The following DGKE variants were observed in gnomAD, a reference collection of about 807,000 sequenced individuals.
DGKE encodes diacylglycerol kinase epsilon, also known as DAG kinase epsilon.
A neutral mutation model predicts 70.0 loss-of-function variants in DGKE; 53 were observed. The ratio of observed to expected loss-of-function variants is 0.76; its 90% CI spans 0.61 to 0.95. The LOEUF (loss-of-function observed/expected upper bound fraction) is 0.95, where lower values mean the gene tolerates loss of function less well. Ranked by LOEUF, DGKE falls within the 40% of genes least tolerant of loss-of-function variation. The probability of loss-of-function intolerance (pLI) is 0.00; values close to 1 mark genes in which losing one functional copy is unlikely to be tolerated. For missense variants in DGKE, 655 were observed against 706.9 expected (o/e 0.93, Z 0.83); for synonymous variants, 291 against 257.0 (o/e 1.13, Z -1.27).
chr17:56,842,259 T>G (rs532790373), intron 2 of DGKE, among the ~76,000 whole-genome samples: 1 of 152,208 alleles, frequency 6.6e-6, no homozygotes. Flanking sequence ...AGCTAGTATT[T>G]AAAATAATTT....
intron 4 of DGKE, chr17:56,846,276 A>G (rs1276760430): frequency 6.6e-6 from 1 of 152,326 alleles, no homozygotes; most frequent in Non-Finnish European, 1.5e-5. Flanking sequence ...ATTACAATAA[A>G]TGAACCTCAA....
chr17:56,847,702 C>A (rs2144237380), intron 4 of DGKE: 1 of 241,808 alleles, frequency 4.1e-6, no homozygotes, highest in East Asian at 8.0e-5. Flanking sequence ...ACCTCAGTTT[C>A]CAGCCCAATA....
Position 56,835,014 on chromosome 17 carries a change from C to A in DGKE, c.219C>A (p.Tyr73Ter). ...RDTDLFSQPTYCCVCAQHILQ... is the reference protein window; with the variant it reads ...RDTDLFSQPT ...CGGACCTGTTCAGCCAGCCCACCTACTGCTGCGTGTGCGCGCAGCACATTC... is the reference window on the plus strand; with the variant it reads ...CGGACCTGTTCAGCCAGCCCACCTAATGCTGCGTGTGCGCGCAGCACATTC... Residue 73 changes from tyrosine to a stop codon, truncating the protein, a stop_gained, in exon 2 of 12, where the codon TAC becomes TAA. Transcript: ENST00000284061. LOFTEE classifies it high-confidence loss of function. 6.2e-7 allele frequency: 1 copy of A among 1,612,760 alleles called. No individual in the cohort carries two copies.
intron 7 of DGKE, among the ~76,000 whole-genome samples, chr17:56,855,102 C>T (rs539761719): frequency 5.7e-4 from 86 of 150,700 alleles, no homozygotes; most frequent in African/African-American, 1.8e-3. Context: ...ATAAAGGACA[C>T]CTAGGAAACT....
In DGKE at chr17:56,865,402, C is replaced by T. The variant is rs897789325; in HGVS notation, c.*2611C>T. ...CCAATACATTCCTAATTCCTATAAA[C>T]GTAGTGGCTTAAATACTGAATACCT... On this transcript the variant is annotated 3_prime_UTR_variant, in exon 12 of 12. Transcript: ENST00000284061. 3.9e-5 allele frequency: 6 copies of T among 152,128 alleles called. No individual in the cohort carries two copies. The highest frequency in any genetic ancestry group is 2.1e-4 in the South Asian group (1 of 4,826). 9.4% of individuals were successfully genotyped at this position (152,128 alleles called of 1,614,324 possible). A position where few individuals can be genotyped will look rare whatever the true frequency, so the allele number is the denominator to read the frequency against.
Position 56,863,130 on chromosome 17 carries a change from TGATGGACACACAATG to T in DGKE, c.*350_*364del. On this transcript the variant is annotated 3_prime_UTR_variant, in exon 12 of 12. Coordinates refer to ENST00000284061, the MANE Select transcript of DGKE (RefSeq NM_003647.3). ...ATGTCTTATTTTTGAACCATGCATA[TGATGGACACACAATG>T]GATGGACACATTATATCTCCAACAA... 1 of 175,400 alleles carries T rather than the reference TGATGGACACACAATG, an allele frequency of 5.7e-6. No individual in the cohort carries two copies. Among genetic ancestry groups the T allele is most frequent in the South Asian group, 1.8e-4 (1 of 5,492 alleles). 10.9% of individuals were successfully genotyped at this position (175,400 alleles called of 1,614,324 possible).
chr17:56,860,949 T>G (rs1162494449), intron 9 of DGKE, among the ~76,000 whole-genome samples: 2 of 152,182 alleles, frequency 1.3e-5, no homozygotes, highest in Non-Finnish European at 1.5e-5. Context: ...AGGGTTAAAG[T>G]GAAGCCACTG....
chr17:56,856,773 G>C, intron 8 of DGKE, 148 bp downstream of exon 8: 3 of 1,025,208 alleles, frequency 2.9e-6, no homozygotes, highest in Non-Finnish European at 4.0e-6. Flanking sequence ...TGTCAAATTA[G>C]ATCTTTTTTT....
chr17:56,835,045 GGCGCCTTCT>G lies in DGKE; in HGVS notation c.254_262del (p.Ala85_Cys87del). On this transcript the variant is annotated inframe_deletion, in exon 2 of 12. Coordinates refer to ENST00000284061, the MANE Select transcript of DGKE (RefSeq NM_003647.3). Reference sequence around the variant, plus strand: ...CGTGTGCGCGCAGCACATTCTGCAGGGCGCCTTCTGCGACTGCTGCGGGCTCCGCGTGGA... The same window carrying G: ...CGTGTGCGCGCAGCACATTCTGCAGGGCGACTGCTGCGGGCTCCGCGTGGA... The G allele has an allele frequency of 1.9e-6, 3 of 1,613,010 alleles. No individual in the cohort carries two copies. Among genetic ancestry groups the G allele is most frequent in the Non-Finnish European group, 2.5e-6 (3 of 1,180,026 alleles).
chr17:56,834,658 G>C, intron 1 of DGKE, 120 bp from the exon 2 acceptor site: 4 of 937,928 alleles, frequency 4.3e-6, no homozygotes, highest in Non-Finnish European at 6.4e-6. Context: ...GCGCAGTCCC[G>C]CCCTCGGGAG....
intron 8 of DGKE, 162 bp downstream of exon 8, chr17:56,856,787 T>A: frequency 1.9e-6 from 1 of 531,232 alleles, no homozygotes; most frequent in Non-Finnish European, 2.4e-6. Context: ...TTTTTTTTTT[T>A]TAATTAGATC....
intron 4 of DGKE, among the ~76,000 whole-genome samples, chr17:56,847,193 G>A (rs1389094113): frequency 1.3e-5 from 2 of 150,350 alleles, no homozygotes; most frequent in East Asian, 3.9e-4. Flanking sequence ...TTGCAAAATT[G>A]CTTTCCAGAA....
chr17:56,849,078 CT>C (rs1391161956), intron 6 of DGKE, 102 bp from the exon 7 acceptor site: 7 of 1,289,108 alleles, frequency 5.4e-6, no homozygotes, highest in Non-Finnish European at 7.5e-6. Flanking sequence ...CGTGTGGTTA[CT>C]TTTGTAGATG....
chr17:56,863,053 TTTG>T lies in DGKE; in HGVS notation c.*265_*267del. 1 of 297,262 alleles carries T rather than the reference TTTG, an allele frequency of 3.4e-6. No individual in the cohort carries two copies. Among genetic ancestry groups the T allele is most frequent in the Middle Eastern group, 9.3e-4 (1 of 1,072 alleles). 18.4% of individuals were successfully genotyped at this position (297,262 alleles called of 1,614,324 possible). On this transcript the variant is annotated 3_prime_UTR_variant, in exon 12 of 12. Transcript: ENST00000284061. ...ACAAAAACTTACATGAGAGTGAAAA[TTTG>T]TTATGACTGTTTTGAGAGTGGGACT... is the stretch of plus-strand genomic sequence containing the variant.
rs7225724 is a variant in DGKE at position 56,835,376 on chromosome 17, A to G, written c.464+117A>G. On this transcript the variant is annotated intron_variant, in intron 2 of 11. Transcript: ENST00000284061. ...GATGACCTAAACTCATTTTGAGGAA[A>G]CAAGCTAATAAATAAACATCCCTGA... The G allele has an allele frequency of 0.88, 951,957 of 1,085,242 alleles. 418,599 individuals carry two copies. The highest frequency in any genetic ancestry group is 0.92 in the East Asian group (35,588 of 38,882). The allele number at this position is 1,085,242 out of a possible 1,614,324, so 67.2% of individuals were successfully genotyped here. A position where few individuals can be genotyped will look rare whatever the true frequency, so the allele number is the denominator to read the frequency against.
rs1409732128 is a variant in DGKE, at chr17:56,834,866, T to C, written c.71T>C (p.Leu24Ser). ...EGLFADGHLILWTLCSVLLPV... is the reference protein window; with the variant it reads ...EGLFADGHLISWTLCSVLLPV... Reference sequence around the variant, plus strand: ...CTGTTTGCGGACGGGCACCTGATCTTGTGGACGCTGTGCTCGGTCCTGCTG... The same window carrying C: ...CTGTTTGCGGACGGGCACCTGATCTCGTGGACGCTGTGCTCGGTCCTGCTG... The change falls in exon 2 of 12, where the codon TTG (leucine) becomes TCG (serine). Residue 24 changes from leucine (L) to serine (S), a missense_variant. Physicochemically the swap from Leu to Ser is moderately radical, Grantham distance 145. Coordinates refer to ENST00000284061, the MANE Select transcript of DGKE (RefSeq NM_003647.3). 1 of 1,612,996 alleles carries C rather than the reference T, an allele frequency of 6.2e-7. No individual in the cohort carries two copies. The highest frequency in any genetic ancestry group is 8.5e-7 in the Non-Finnish European group (1 of 1,179,654).
rs1305409109 is a variant in DGKE, at chr17:56,864,490, C to T, written c.*1699C>T. 1 of 152,074 alleles carries T rather than the reference C, an allele frequency of 6.6e-6. No homozygotes were observed. Among genetic ancestry groups the T allele is most frequent in the Non-Finnish European group, 1.5e-5 (1 of 68,022 alleles). 9.4% of individuals were successfully genotyped at this position (152,074 alleles called of 1,614,324 possible). Reference sequence around the variant, plus strand: ...CCTCTTGCAGATCTCCTCAGGTGATCTTAAATTCTAGTCTTGAGAAACTTT... The same window carrying T: ...CCTCTTGCAGATCTCCTCAGGTGATTTTAAATTCTAGTCTTGAGAAACTTT... On this transcript the variant is annotated 3_prime_UTR_variant, in exon 12 of 12. Coordinates refer to ENST00000284061, the MANE Select transcript of DGKE (RefSeq NM_003647.3).
chr17:56,843,402 G>A (rs1046281838), intron 2 of DGKE, among the ~76,000 whole-genome samples: 3 of 152,070 alleles, frequency 2.0e-5, no homozygotes, highest in African/African-American at 7.2e-5. Flanking sequence ...AAATTCCACT[G>A]TACGCTTTTG....
At chr17:56,845,901 A>G in intron 4 of DGKE, 92 bp downstream of exon 4, 1 of 1,230,340 alleles carries the variant, frequency 8.1e-7, no homozygotes, top group Non-Finnish European at 1.1e-6. Flanking sequence ...TCACCTGATC[A>G]TAGGAAAGAA....
Sources: allele counts gnomAD v4.1 joint callset (sites outside exome capture counted in the v4.1 genomes callset), GRCh38; gene constraint gnomAD v4.1.1; transcripts MANE v1.5; gene names NCBI Gene and HGNC (gene_info 2026-07-23, HGNC 2026-07-21).